IGSF21: variants seen among roughly 807,000 people sequenced by gnomAD.
IGSF21 encodes the protein immunoglobin superfamily member 21.
IGSF21 carries 28 observed loss-of-function variants against 46.8 expected under a neutral mutation model. The observed-to-expected ratio is 0.60, with a 90% CI of 0.44 to 0.82. IGSF21 has a LOEUF of 0.82. IGSF21 is among the 40% of genes least tolerant of loss of function. The pLI, the probability that IGSF21 is intolerant of heterozygous loss-of-function variation, is 0.00. For synonymous variants in IGSF21, 284 were observed against 273.6 expected (o/e 1.04, Z -0.38); for missense variants, 624 against 665.5 (o/e 0.94, Z 0.69).
At chr1:18,332,405 C>A (rs1040504507) in intron 3 of IGSF21, among the ~76,000 whole-genome samples, 2 of 152,180 alleles carry the variant, frequency 1.3e-5, no homozygotes, top group African/African-American at 2.4e-5. Context: ...TCTTTATAAC[C>A]AACACCTATG....
In IGSF21 at chr1:18,291,930, A is replaced by T. The variant is rs2085271458; in HGVS notation, c.248A>T (p.Tyr83Phe). 6.2e-7 allele frequency: 1 copy of T among 1,612,904 alleles called. No individual in the cohort carries two copies. Among genetic ancestry groups the T allele is most frequent in the Non-Finnish European group, 8.5e-7 (1 of 1,179,848 alleles). Residue 83 changes from tyrosine (Y) to phenylalanine (F), a missense_variant, in exon 3 of 10, where the codon TAC becomes TTC. By Grantham distance (22) the Tyr-to-Phe change is conservative. Coordinates refer to ENST00000251296, the MANE Select transcript of IGSF21 (RefSeq NM_032880.5). Reference protein sequence around the residue: ...FTFDAMFSTNYSHMENYRKRE... With the variant: ...FTFDAMFSTNFSHMENYRKRE... Reference sequence around the variant, plus strand: ...TTCGACGCCATGTTCTCCACCAACTACTCACACATGGAGAACTACCGCAAG... The same window carrying T: ...TTCGACGCCATGTTCTCCACCAACTTCTCACACATGGAGAACTACCGCAAG...
chr1:18,318,320 T>C (rs993726425), intron 3 of IGSF21, among the ~76,000 whole-genome samples: 15 of 152,134 alleles, frequency 9.9e-5, no homozygotes, highest in Non-Finnish European at 1.9e-4. Context: ...TCTCCTTACA[T>C]TGTTGGCAAT....
intron 1 of IGSF21, among the ~76,000 whole-genome samples, chr1:18,184,162 T>C (rs150281778): frequency 2.0e-5 from 3 of 152,332 alleles, no homozygotes; most frequent in Admixed American, 1.3e-4. Context: ...ATATCAAACA[T>C]AGCCCATTCA....
rs111721151 is a variant in IGSF21 at position 18,225,062 on chromosome 1, ATCTC to A, written c.71-2815_71-2812del. On this transcript the variant is annotated intron_variant, in intron 1 of 9. Coordinates refer to ENST00000251296, the MANE Select transcript of IGSF21 (RefSeq NM_032880.5). ...CCTGGATGACAGAGTGAGACTCTGTATCTCTCTCTCTCTCTCTCTCTCTCACACA... is the reference window on the plus strand; with the variant it reads ...CCTGGATGACAGAGTGAGACTCTGTATCTCTCTCTCTCTCTCTCTCACACA... Among the ~76,000 whole-genome samples, 205 of 63,804 alleles carry A rather than the reference ATCTC, an allele frequency of 3.2e-3. 1 individual carries two copies. The highest frequency in any genetic ancestry group is 0.011 in the African/African-American group (180 of 16,956). The allele number at this position is 63,804 out of a possible 152,430, so 41.9% of individuals were successfully genotyped here.
intron 1 of IGSF21, among the ~76,000 whole-genome samples, chr1:18,219,050 A>C (rs2084481117): frequency 6.6e-6 from 1 of 152,248 alleles, no homozygotes; most frequent in Non-Finnish European, 1.5e-5. Flanking sequence ...CAGAGAAAAA[A>C]GTATTGAAAC....
chr1:18,279,382 G>T (rs1466141678), intron 2 of IGSF21, among the ~76,000 whole-genome samples: 3 of 152,224 alleles, frequency 2.0e-5, no homozygotes, highest in Admixed American at 2.0e-4. Context: ...TGGGGACACA[G>T]TAACTCTTTG....
In IGSF21 at chr1:18,321,548, G is replaced by A. The variant is rs139803534; in HGVS notation, c.306-13344G>A. Among the ~76,000 whole-genome samples, 50 of 152,304 alleles carry A rather than the reference G, an allele frequency of 3.3e-4. No individual in the cohort carries two copies. The East Asian group carries it at 5.8e-3, about 18-fold the overall frequency. On this transcript the variant is annotated intron_variant, in intron 3 of 9. Coordinates refer to ENST00000251296, the MANE Select transcript of IGSF21 (RefSeq NM_032880.5). ...TTCTCACAGCTCTGGAGACCGGGAAGCCCAAGGTCAAGGCAGATTCCAGGT... is the reference window on the plus strand; with the variant it reads ...TTCTCACAGCTCTGGAGACCGGGAAACCCAAGGTCAAGGCAGATTCCAGGT...
chr1:18,232,663 C>T (rs1299184139), intron 2 of IGSF21, among the ~76,000 whole-genome samples: 2 of 152,220 alleles, frequency 1.3e-5, no homozygotes, highest in Non-Finnish European at 2.9e-5. Flanking sequence ...GTGCTTACCT[C>T]ATCATGTCAA....
At chr1:18,268,503 G>A (rs544690780) in intron 2 of IGSF21, among the ~76,000 whole-genome samples, 4 of 152,288 alleles carry the variant, frequency 2.6e-5, no homozygotes, top group South Asian at 2.1e-4. Context: ...AGCTGAAGCC[G>A]AGATGGGTCC....
At chr1:18,160,827 C>T (rs1187335156) in intron 1 of IGSF21, among the ~76,000 whole-genome samples, 2 of 152,168 alleles carry the variant, frequency 1.3e-5, no homozygotes, top group Non-Finnish European at 2.9e-5. Flanking sequence ...ACAAGCCTTC[C>T]TAAACTGTAG....
intron 1 of IGSF21, among the ~76,000 whole-genome samples, chr1:18,216,229 G>C (rs1475573213): frequency 6.6e-6 from 1 of 152,152 alleles, no homozygotes; most frequent in Non-Finnish European, 1.5e-5. Flanking sequence ...AGAGGAAACA[G>C]CACAGGGAAA....
At position 18,364,694 on chromosome 1, in the gene IGSF21, C is replaced by T. The variant is rs146556594; in HGVS notation, c.541-529C>T. The stretch of plus-strand genomic sequence containing the variant: ...CACCTAGCTTCCTCCCACACATGCA[C>T]CTGTTTTCTGCCTTCCATCTCCAAA... On this transcript the variant is annotated intron_variant, in intron 5 of 9. Coordinates refer to ENST00000251296, the MANE Select transcript of IGSF21 (RefSeq NM_032880.5). Among the ~76,000 whole-genome samples the T allele has an allele frequency of 3.7e-4, 56 of 152,242 alleles. 1 individual carries two copies. The highest frequency in any genetic ancestry group is 1.3e-3 in the African/African-American group (56 of 41,534).
At chr1:18,311,735 A>G (rs888872775) in intron 3 of IGSF21, among the ~76,000 whole-genome samples, 5 of 152,206 alleles carry the variant, frequency 3.3e-5, no homozygotes, top group Middle Eastern at 3.2e-3. Context: ...ACATGGTGGC[A>G]GACAAGAGAG....
chr1:18,317,806 G>C (rs76910567), intron 3 of IGSF21, among the ~76,000 whole-genome samples: 1 of 152,156 alleles, frequency 6.6e-6, no homozygotes, highest in African/African-American at 2.4e-5. Flanking sequence ...GGCAGGCACC[G>C]TCCTAAGTGC....
chr1:18,282,643 C>CAG (rs1459682015), intron 2 of IGSF21, among the ~76,000 whole-genome samples: 4 of 151,140 alleles, frequency 2.6e-5, no homozygotes, highest in Admixed American at 6.6e-5. Flanking sequence ...CATACACACA[C>CAG]ACACACACAC....
In IGSF21 at chr1:18,136,864, C is replaced by T. The variant is rs145771471; in HGVS notation, c.70+28666C>T. Among the ~76,000 whole-genome samples the T allele has an allele frequency of 4.8e-3, 732 of 152,226 alleles. 4 individuals carry two copies. Among genetic ancestry groups the T allele is most frequent in the African/African-American group, 0.017 (692 of 41,522 alleles). On this transcript the variant is annotated intron_variant, in intron 1 of 9. Coordinates refer to ENST00000251296, the MANE Select transcript of IGSF21 (RefSeq NM_032880.5). Reference sequence around the variant, plus strand: ...ACCTCGGGCAGTATGGCCATTTTCACGATATTGATTTTTCCTACCCATGAG... The same window carrying T: ...ACCTCGGGCAGTATGGCCATTTTCATGATATTGATTTTTCCTACCCATGAG...
chr1:18,152,582 C>T (rs111268467), intron 1 of IGSF21, among the ~76,000 whole-genome samples: 234 of 152,218 alleles, frequency 1.5e-3, no homozygotes, highest in African/African-American at 5.3e-3. Flanking sequence ...ACCAGGCATC[C>T]GAACCTTTGC....
At chr1:18,187,714 C>A (rs972516979) in intron 1 of IGSF21, among the ~76,000 whole-genome samples, 1 of 152,120 alleles carries the variant, frequency 6.6e-6, no homozygotes. Context: ...AACCTAATTA[C>A]CTCCCAGAAA....
intron 2 of IGSF21, among the ~76,000 whole-genome samples, chr1:18,287,050 G>A (rs1014196159): frequency 9.3e-5 from 14 of 150,948 alleles, no homozygotes; most frequent in South Asian, 2.1e-4. Context: ...GCGTAGTGGC[G>A]GGCACCTGTA....
Sources: gnomAD v4.1 joint callset for allele counts (sites outside exome capture counted in the v4.1 genomes callset) on GRCh38, gnomAD v4.1.1 for gene constraint, MANE v1.5 for transcripts, NCBI Gene and HGNC (gene_info 2026-07-23, HGNC 2026-07-21) for gene names.